Variants in RALYL observed in about 807,000 individuals in gnomAD.
RALYL encodes the protein RNA-binding Raly-like protein.
Under a neutral mutation model 35.1 loss-of-function variants are expected in RALYL, and 29 were observed. The ratio of observed to expected loss-of-function variants is 0.83; its 90% confidence interval spans 0.61 to 1.13. The LOEUF (loss-of-function observed/expected upper bound fraction) is 1.13, where lower values mean the gene tolerates loss of function less well. RALYL is among the 50% of genes most tolerant of loss of function. RALYL has a pLI of 0.00. For missense variants in RALYL, 359 were observed against 360.4 expected (o/e 1.00, Z 0.03); for synonymous variants, 120 against 127.6 (o/e 0.94, Z 0.40).
chr8:84,617,930 C>T (rs1194560552), intron 2 of RALYL, among the ~76,000 whole-genome samples: 2 of 151,842 alleles, frequency 1.3e-5, no homozygotes, highest in Non-Finnish European at 2.9e-5. Flanking sequence ...GCCTTGCATC[C>T]CAGGGATGAA....
At chr8:84,195,119 C>T (rs977844538) in intron 1 of RALYL, among the ~76,000 whole-genome samples, 10 of 152,078 alleles carry the variant, frequency 6.6e-5, no homozygotes, top group African/African-American at 2.4e-4. Flanking sequence ...CTGATTCTAG[C>T]CCCTCTTTTC....
intron 1 of RALYL, among the ~76,000 whole-genome samples, chr8:84,251,123 A>G (rs1316615111): frequency 6.6e-6 from 1 of 152,130 alleles, no homozygotes; most frequent in Admixed American, 6.5e-5. Flanking sequence ...TGCCTTTTTT[A>G]CTTCCTACAC....
At chr8:84,461,040 C>A (rs2050710745) in intron 1 of RALYL, among the ~76,000 whole-genome samples, 1 of 151,538 alleles carries the variant, frequency 6.6e-6, no homozygotes, top group Admixed American at 6.6e-5. Context: ...TTATTCTTTG[C>A]ATTTTGAATA....
intron 4 of RALYL, among the ~76,000 whole-genome samples, chr8:84,845,670 T>G: frequency 6.6e-6 from 1 of 152,226 alleles, no homozygotes; most frequent in East Asian, 1.9e-4. Context: ...TGAGTTTAAT[T>G]ATGTCCTACT....
chr8:84,698,324 T>C (rs1359461949), intron 2 of RALYL, among the ~76,000 whole-genome samples: 5 of 152,164 alleles, frequency 3.3e-5, no homozygotes, highest in Non-Finnish European at 7.4e-5. Context: ...GGAACTATTT[T>C]AATTAAAATA....
At chr8:84,466,633 G>T (rs2051702467) in intron 1 of RALYL, among the ~76,000 whole-genome samples, 1 of 150,626 alleles carries the variant, frequency 6.6e-6, no homozygotes, top group South Asian at 2.1e-4. Flanking sequence ...GCCTGGCTTT[G>T]GTATCAGAAT....
At chr8:84,734,101 T>G (rs1030966185) in intron 2 of RALYL, among the ~76,000 whole-genome samples, 3 of 152,182 alleles carry the variant, frequency 2.0e-5, no homozygotes, top group Non-Finnish European at 2.9e-5. Context: ...AGACAGACTG[T>G]AATATGAAAA....
chr8:84,918,271 TC>T (rs1169308240), intron 8 of RALYL, among the ~76,000 whole-genome samples: 1 of 152,038 alleles, frequency 6.6e-6, no homozygotes, highest in Non-Finnish European at 1.5e-5. Context: ...GTGGATTTAT[TC>T]TATATATTGC....
intron 1 of RALYL, among the ~76,000 whole-genome samples, chr8:84,435,192 T>G (rs1012481667): frequency 6.6e-6 from 1 of 151,850 alleles, no homozygotes; most frequent in African/African-American, 2.4e-5. Context: ...AACACTGTGA[T>G]TATTTCTTTC....
At chr8:84,365,989 G>A (rs1454689926) in intron 1 of RALYL, among the ~76,000 whole-genome samples, 1 of 152,180 alleles carries the variant, frequency 6.6e-6, no homozygotes, top group Non-Finnish European at 1.5e-5. Flanking sequence ...AGCTTCTGTT[G>A]TAATCAGTTC....
At chr8:84,798,833 A>G (rs1822526304) in intron 3 of RALYL, among the ~76,000 whole-genome samples, 2 of 152,214 alleles carry the variant, frequency 1.3e-5, no homozygotes, top group Admixed American at 1.3e-4. Context: ...ACAAGAGAAA[A>G]AGCAGGATGC....
At chr8:84,221,016 G>A (rs879198150) in intron 1 of RALYL, among the ~76,000 whole-genome samples, 18 of 151,872 alleles carry the variant, frequency 1.2e-4, no homozygotes, top group Admixed American at 7.2e-4. Flanking sequence ...ACACATTCAG[G>A]TGAGGTAAGA....
chr8:84,446,288 A>C (rs1400966274), intron 1 of RALYL, among the ~76,000 whole-genome samples: 1 of 152,070 alleles, frequency 6.6e-6, no homozygotes, highest in African/African-American at 2.4e-5. Flanking sequence ...GATCAAAGAA[A>C]GAAAAAAAAT....
chr8:84,408,580 T>C (rs1327446733), intron 1 of RALYL, among the ~76,000 whole-genome samples: 1 of 152,170 alleles, frequency 6.6e-6, no homozygotes, highest in Non-Finnish European at 1.5e-5. Flanking sequence ...GATGAATAAG[T>C]GTCCATGGAC....
intron 2 of RALYL, among the ~76,000 whole-genome samples, chr8:84,540,969 C>T (rs1237762186): frequency 1.3e-5 from 2 of 151,680 alleles, no homozygotes; most frequent in Non-Finnish European, 2.9e-5. Context: ...TAAGCTATGT[C>T]TTTTTGTTTT....
chr8:84,583,635 T>G (rs1415553945), intron 2 of RALYL, among the ~76,000 whole-genome samples: 2 of 152,196 alleles, frequency 1.3e-5, no homozygotes, highest in African/African-American at 4.8e-5. Context: ...CTCTTTGTAT[T>G]TACTGTCAGA....
At chr8:84,717,854 T>C (rs888325418) in intron 2 of RALYL, among the ~76,000 whole-genome samples, 1 of 152,206 alleles carries the variant, frequency 6.6e-6, no homozygotes, top group African/African-American at 2.4e-5. Context: ...GCATTTTTTA[T>C]ACCTTGCTGT....
chr8:84,452,849 G>A (rs1256671888), intron 1 of RALYL, among the ~76,000 whole-genome samples: 1 of 151,848 alleles, frequency 6.6e-6, no homozygotes, highest in African/African-American at 2.4e-5. Context: ...TTTTGAATTT[G>A]TGTATATATG....
chr8:84,564,364 C>T (rs1159791251), intron 2 of RALYL, among the ~76,000 whole-genome samples: 1 of 151,662 alleles, frequency 6.6e-6, no homozygotes, highest in Non-Finnish European at 1.5e-5. Context: ...TGAACACTTT[C>T]AAGAATGATT....
Sources: allele counts gnomAD v4.1 joint callset (sites outside exome capture counted in the v4.1 genomes callset), GRCh38; gene constraint gnomAD v4.1.1; transcripts MANE v1.5; gene names NCBI Gene and HGNC (gene_info 2026-07-23, HGNC 2026-07-21).